Variants in SEMA3A observed in about 807,000 individuals in gnomAD.
SEMA3A encodes the protein semaphorin-3A.
In SEMA3A, 29 loss-of-function variants were observed where a neutral mutation model predicts 97.9. The observed-to-expected ratio is 0.30, with a 90% CI of 0.22 to 0.40. SEMA3A has a LOEUF of 0.40. Ranked by LOEUF, SEMA3A falls within the 10% of genes least tolerant of loss-of-function variation. The probability of loss-of-function intolerance (pLI) is 1.00; values close to 1 mark genes in which losing one functional copy is unlikely to be tolerated. For synonymous variants in SEMA3A, 321 were observed against 323.7 expected (o/e 0.99, Z 0.09); for missense variants, 763 against 951.3 (o/e 0.80, Z 2.60).
intron 1 of SEMA3A, among the ~76,000 whole-genome samples, chr7:84,443,742 C>A (rs1170284241): frequency 6.6e-6 from 1 of 152,168 alleles, no homozygotes; most frequent in East Asian, 1.9e-4. Context: ...TACAGATGTT[C>A]TCTGGCCTTC....
At chr7:83,982,587 T>G (rs1789459334) in intron 13 of SEMA3A, among the ~76,000 whole-genome samples, 1 of 152,188 alleles carries the variant, frequency 6.6e-6, no homozygotes, top group Admixed American at 6.5e-5. Flanking sequence ...CTTACATAAA[T>G]ACTGAAACAT....
chr7:84,418,163 T>G (rs969673028), intron 1 of SEMA3A, among the ~76,000 whole-genome samples: 3 of 152,034 alleles, frequency 2.0e-5, no homozygotes, highest in Admixed American at 6.6e-5. Flanking sequence ...TTCTAAACTG[T>G]TCTCATGCTG....
intron 5 of SEMA3A, among the ~76,000 whole-genome samples, chr7:84,048,983 T>C (rs1583870728): frequency 6.6e-6 from 1 of 152,084 alleles, no homozygotes; most frequent in Admixed American, 6.6e-5. Context: ...AACCTCATAT[T>C]AGACAGACAA....
intron 1 of SEMA3A, among the ~76,000 whole-genome samples, chr7:84,475,073 C>T (rs912339981): frequency 3.3e-5 from 5 of 152,126 alleles, no homozygotes; most frequent in African/African-American, 1.2e-4. Context: ...CTTGCTCCCC[C>T]TTCTCCCCCA....
At chr7:84,002,501 A>G (rs775558330) in intron 11 of SEMA3A, among the ~76,000 whole-genome samples, 3 of 152,164 alleles carry the variant, frequency 2.0e-5, no homozygotes, top group South Asian at 2.1e-4. Flanking sequence ...GGGTACTACT[A>G]TGAAGACTAA....
chr7:84,347,222 A>G (rs1167253347), intron 2 of SEMA3A, among the ~76,000 whole-genome samples: 2 of 152,178 alleles, frequency 1.3e-5, no homozygotes, highest in African/African-American at 2.4e-5. Flanking sequence ...GCATTTCCAT[A>G]AAGACTTGTA....
Position 83,956,698 on chromosome 7 carries a change from G to A in SEMA3A, c.*4673C>T, listed in dbSNP as rs1029335509. The A allele has an allele frequency of 2.0e-5, 3 of 152,028 alleles. No individual in the cohort carries two copies. The highest frequency in any genetic ancestry group is 4.4e-5 in the Non-Finnish European group (3 of 67,952). The allele number at this position is 152,028 out of a possible 1,614,324, so 9.4% of individuals were successfully genotyped here. ...GCACCATTTTGACTCATAGTAGTGGGACATTTAACTTTTCTTTATGAAACC... is the reference window on the plus strand; with the variant it reads ...GCACCATTTTGACTCATAGTAGTGGAACATTTAACTTTTCTTTATGAAACC... On this transcript the variant is annotated 3_prime_UTR_variant, in exon 17 of 17. Transcript: ENST00000265362.
At chr7:84,233,239 G>A (rs1287470418) in intron 3 of SEMA3A, among the ~76,000 whole-genome samples, 1 of 151,820 alleles carries the variant, frequency 6.6e-6, no homozygotes, top group East Asian at 1.9e-4. Context: ...ATTGTCTTGG[G>A]TAAAATTTAT....
Position 84,370,280 on chromosome 7 carries a change from T to C in SEMA3A, c.-169+1544A>G, listed in dbSNP as rs531838348. Among the ~76,000 whole-genome samples, 4 of 151,614 alleles carry C rather than the reference T, an allele frequency of 2.6e-5. No individual in the cohort carries two copies. The South Asian group carries it at 6.2e-4, about 24-fold the overall frequency. On this transcript the variant is annotated intron_variant, in intron 2 of 3. Transcript: ENST00000424555. Reference sequence around the variant, plus strand: ...GATTTAATGTGATAATATATGTGAGTCACAATCCATAAACTTTGTTTCCAC... The same window carrying C: ...GATTTAATGTGATAATATATGTGAGCCACAATCCATAAACTTTGTTTCCAC...
intron 12 of SEMA3A, among the ~76,000 whole-genome samples, chr7:83,995,825 C>T (rs1159503042): frequency 6.6e-6 from 1 of 152,164 alleles, no homozygotes; most frequent in Non-Finnish European, 1.5e-5. Context: ...CTGCTGATCT[C>T]AGGAGATTCT....
chr7:84,140,124 C>T (rs1047399454), intron 1 of SEMA3A, among the ~76,000 whole-genome samples: 2 of 152,022 alleles, frequency 1.3e-5, no homozygotes, highest in African/African-American at 2.4e-5. Context: ...AAAAGACACT[C>T]GCACCAAAAT....
At chr7:84,051,277 T>C (rs1020840238) in intron 5 of SEMA3A, among the ~76,000 whole-genome samples, 9 of 152,138 alleles carry the variant, frequency 5.9e-5, no homozygotes, top group East Asian at 1.9e-4. Context: ...GGGGATGGCA[T>C]TGAATCTATA....
rs1800384168 is a variant in SEMA3A at position 84,279,456 on chromosome 7, A to AAG, written c.-83+27750_-83+27751insCT. On this transcript the variant is annotated intron_variant, in intron 3 of 3. Transcript: ENST00000424555. Reference sequence around the variant, plus strand: ...CAAAATCAATACCCTATAATCTTAAAAAAAATGTCAAGATTGTAGAAGTTA... The same window carrying AAG: ...CAAAATCAATACCCTATAATCTTAAAAGAAAAATGTCAAGATTGTAGAAGTTA... Among the ~76,000 whole-genome samples the AAG allele has an allele frequency of 3.3e-5, 5 of 151,876 alleles. No individual in the cohort carries two copies. In the South Asian group the frequency reaches 1.0e-3, roughly 32 times the overall value.
At chr7:84,300,329 G>C (rs550876335) in intron 3 of SEMA3A, among the ~76,000 whole-genome samples, 1 of 151,868 alleles carries the variant, frequency 6.6e-6, no homozygotes, top group African/African-American at 2.4e-5. Flanking sequence ...CAACTGAAGG[G>C]AATGAGTTTT....
intron 1 of SEMA3A, among the ~76,000 whole-genome samples, chr7:84,145,242 G>A (rs934405137): frequency 3.9e-5 from 6 of 151,988 alleles, no homozygotes; most frequent in African/African-American, 9.7e-5. Context: ...GAAGCATAGT[G>A]CCCTGTACAT....
At chr7:84,299,257 T>TAA (rs1419638073) in intron 3 of SEMA3A, among the ~76,000 whole-genome samples, 1 of 138,422 alleles carries the variant, frequency 7.2e-6, no homozygotes, top group East Asian at 2.1e-4. Flanking sequence ...TATATATATA[T>TAA]ATCTCCATAT....
At chr7:84,119,028 G>C (rs776546091) in intron 3 of SEMA3A, among the ~76,000 whole-genome samples, 51 of 152,140 alleles carry the variant, frequency 3.4e-4, no homozygotes, top group Non-Finnish European at 7.4e-4. Flanking sequence ...ACACATGCTT[G>C]TTGTAAGAAC....
intron 6 of SEMA3A, among the ~76,000 whole-genome samples, chr7:84,026,403 G>A (rs2116453254): frequency 6.6e-6 from 1 of 152,116 alleles, no homozygotes; most frequent in Admixed American, 6.5e-5. Context: ...TCTATTAAAA[G>A]TCTTCTCATC....
chr7:84,320,047 T>G (rs1269079789), intron 2 of SEMA3A, among the ~76,000 whole-genome samples: 1 of 152,174 alleles, frequency 6.6e-6, no homozygotes, highest in Non-Finnish European at 1.5e-5. Flanking sequence ...AGGACTTCAG[T>G]TGAATCACTT....
Sources: allele counts gnomAD v4.1 joint callset (sites outside exome capture counted in the v4.1 genomes callset), GRCh38; gene constraint gnomAD v4.1.1; transcripts MANE v1.5; gene names NCBI Gene and HGNC (gene_info 2026-07-23, HGNC 2026-07-21).